HERC3: variants seen among roughly 807,000 people sequenced by gnomAD.
HERC3 encodes the protein HECT and RLD domain containing E3 ubiquitin protein ligase 3, also known as probable E3 ubiquitin-protein ligase HERC3.
A neutral mutation model predicts 129.9 loss-of-function variants in HERC3; 58 were observed. That is an observed-to-expected ratio of 0.45 (90% CI 0.36 to 0.56). The LOEUF (loss-of-function observed/expected upper bound fraction) is 0.56, where lower values mean the gene tolerates loss of function less well. Among genes scored for constraint, HERC3 ranks in the 20% least tolerant of loss-of-function variants. The pLI, the probability that HERC3 is intolerant of heterozygous loss-of-function variation, is 0.00. For synonymous variants in HERC3, 430 were observed against 451.0 expected (o/e 0.95, Z 0.59); for missense variants, 835 against 1,244.2 (o/e 0.67, Z 4.95).
chr4:88,614,295 G>A (rs915444733), intron 3 of HERC3, among the ~76,000 whole-genome samples: 24 of 152,148 alleles, frequency 1.6e-4, no homozygotes, highest in African/African-American at 5.8e-4. Context: ...AGAAAAGGGA[G>A]TTGAGTTTGA....
Position 88,680,093 on chromosome 4 carries a change from G to T in HERC3, c.2197G>T (p.Val733Leu). 6.2e-7 allele frequency: 1 copy of T among 1,608,528 alleles called. No homozygotes were observed. Among genetic ancestry groups the T allele is most frequent in the Non-Finnish European group, 8.5e-7 (1 of 1,178,080 alleles). ...ATTAATTCTATTCTATTATTTTAAG[G>T]TAATCTTTGATGGTGAAGAAGCAGT... ...SDIDLKKPLK[V>L]IFDGEEAVDA... Residue 733 changes from valine to leucine, a missense_variant and splice_region_variant, in exon 20 of 26, where the codon GTA becomes TTA. Transcript: ENST00000402738.
Position 88,670,034 on chromosome 4 carries a change from G to A in HERC3, c.1797+11G>A. The A allele has an allele frequency of 6.2e-7, 1 of 1,612,730 alleles. No homozygotes were observed. The highest frequency in any genetic ancestry group is 8.5e-7 in the Non-Finnish European group (1 of 1,178,834). ...GAGAAGTTATATAAGGTGAGCATAG[G>A]AGGTGCTAGTGGGGAGGGGGTGATT... On this transcript the variant is annotated intron_variant, in intron 15 of 25. Transcript: ENST00000402738.
the HERC3 span, among the ~76,000 whole-genome samples, chr4:88,561,070 C>G: frequency 6.6e-6 from 1 of 151,992 alleles, no homozygotes; most frequent in Non-Finnish European, 1.5e-5. Context: ...TATTTGGGGT[C>G]TTTTATGGCT....
the HERC3 span, among the ~76,000 whole-genome samples, chr4:88,551,275 T>A: frequency 8.6e-5 from 13 of 151,756 alleles, no homozygotes; most frequent in Admixed American, 5.3e-4. Context: ...AAGCCAAAAT[T>A]GACAAATGGG....
At chr4:88,589,384 A>G (rs1194372466), upstream of HERC3, among the ~76,000 whole-genome samples, 1 of 152,192 alleles carries the variant, frequency 6.6e-6, no homozygotes, top group East Asian at 1.9e-4. Flanking sequence ...CCTAGAATTT[A>G]TTAAGCCTTT....
chr4:88,675,278 A>G (rs528849465), intron 16 of HERC3, among the ~76,000 whole-genome samples: 2 of 152,344 alleles, frequency 1.3e-5, no homozygotes, highest in South Asian at 4.1e-4. Flanking sequence ...GTGCAGATGG[A>G]GCATCCACAT....
the HERC3 span, among the ~76,000 whole-genome samples, chr4:88,573,802 A>C: frequency 6.6e-6 from 1 of 152,200 alleles, no homozygotes; most frequent in Non-Finnish European, 1.5e-5. Flanking sequence ...GAAAATGTGA[A>C]AATGTCACAT....
At chr4:88,528,473 A>G in the HERC3 span, among the ~76,000 whole-genome samples, 2 of 152,308 alleles carry the variant, frequency 1.3e-5, no homozygotes, top group South Asian at 4.1e-4. Flanking sequence ...TAATGGCTCA[A>G]GATCAAAGAG....
intron 23 of HERC3, chr4:88,697,746 G>C: frequency 1.2e-6 from 2 of 1,607,860 alleles, no homozygotes; most frequent in Non-Finnish European, 1.7e-6. Flanking sequence ...GGTTTTCCGA[G>C]TCGGCCATGT....
the HERC3 span, among the ~76,000 whole-genome samples, chr4:88,548,229 T>C: frequency 6.6e-6 from 1 of 152,236 alleles, no homozygotes; most frequent in African/African-American, 2.4e-5. Context: ...GGATTAGAAT[T>C]GGTGGCCATA....
intron 2 of HERC3, among the ~76,000 whole-genome samples, chr4:88,602,745 G>GCCC (rs2149185448): frequency 6.6e-6 from 1 of 152,270 alleles, no homozygotes; most frequent in Admixed American, 6.5e-5. Context: ...CTCCCAAAGT[G>GCCC]TTAGGATCAC....
At chr4:88,592,399 T>A (rs1165206204), upstream of HERC3, 2 of 152,340 alleles carry the variant, frequency 1.3e-5, no homozygotes, top group Non-Finnish European at 2.9e-5. Context: ...CGCGGGCCCA[T>A]CCCAGAACGG....
chr4:88,636,377 A>G (rs1430043950), intron 3 of HERC3, among the ~76,000 whole-genome samples: 2 of 152,192 alleles, frequency 1.3e-5, no homozygotes, highest in African/African-American at 4.8e-5. Flanking sequence ...CTTTAAACCA[A>G]CCAAGATCAA....
chr4:88,650,897 C>G (rs1276591025), intron 4 of HERC3, among the ~76,000 whole-genome samples: 2 of 152,156 alleles, frequency 1.3e-5, no homozygotes, highest in Non-Finnish European at 2.9e-5. Context: ...CTTTAAAGAA[C>G]AGCATATTCT....
intron 3 of HERC3, among the ~76,000 whole-genome samples, chr4:88,634,562 G>A (rs372623386): frequency 2.0e-5 from 3 of 152,238 alleles, no homozygotes; most frequent in African/African-American, 7.2e-5. Context: ...TTCCTCCTGC[G>A]AGCACTGACG....
chr4:88,625,781 T>C (rs921363171), intron 3 of HERC3, among the ~76,000 whole-genome samples: 2 of 152,192 alleles, frequency 1.3e-5, no homozygotes, highest in Admixed American at 6.5e-5. Context: ...ATGTTAACAG[T>C]AGGGTTTTCA....
At chr4:88,679,805 A>C (rs1182620321) in intron 19 of HERC3, among the ~76,000 whole-genome samples, 33 of 152,218 alleles carry the variant, frequency 2.2e-4, no homozygotes, top group Admixed American at 2.2e-3. Flanking sequence ...GGCGTGAGCC[A>C]CCACGCCCAG....
chr4:88,597,438 A>G (rs1722521967), intron 2 of HERC3, among the ~76,000 whole-genome samples: 2 of 152,246 alleles, frequency 1.3e-5, no homozygotes, highest in African/African-American at 4.8e-5. Context: ...TAAGTTGGAT[A>G]ATGCTGGTCA....
At chr4:88,643,691 T>TA (rs914249819) in intron 3 of HERC3, among the ~76,000 whole-genome samples, 1 of 151,900 alleles carries the variant, frequency 6.6e-6, no homozygotes, top group African/African-American at 2.4e-5. Context: ...ATTCATACCT[T>TA]AAAAAAAAGA....
Sources: gnomAD v4.1 joint callset for allele counts (sites outside exome capture counted in the v4.1 genomes callset) on GRCh38, gnomAD v4.1.1 for gene constraint, MANE v1.5 for transcripts, NCBI Gene and HGNC (gene_info 2026-07-23, HGNC 2026-07-21) for gene names.